Variants in MSH3 observed in about 807,000 individuals in gnomAD.
MSH3 encodes mutS homolog 3.
MSH3 carries 106 observed loss-of-function variants against 123.3 expected under a neutral mutation model. That is an observed-to-expected ratio of 0.86 (90% CI 0.73 to 1.01). The LOEUF is 1.01. Among genes scored for constraint, MSH3 ranks in the 50% least tolerant of loss-of-function variants. The probability of loss-of-function intolerance (pLI) is 0.00; values close to 1 mark genes in which losing one functional copy is unlikely to be tolerated. For missense variants in MSH3, 1,459 were observed against 1,347.6 expected (o/e 1.08, Z -1.29); for synonymous variants, 515 against 481.4 (o/e 1.07, Z -0.91).
Position 80,851,805 on chromosome 5 carries a change from A to G in MSH3, c.2814-2325A>G, listed in dbSNP as rs187935757. On this transcript the variant is annotated intron_variant, in intron 20 of 23. Transcript: ENST00000265081. ...CATCTTTGTTTTTTCTGAAATAACT[A>G]ATTAGCTAGCATCTTTTTCATTGAC... 1.5e-3 allele frequency among the ~76,000 whole-genome samples: 226 copies of G among 152,300 alleles called. 7 individuals are homozygous for G. The highest frequency in any genetic ancestry group is 0.013 in the Admixed American group (198 of 15,284).
At chr5:80,717,193 A>G (rs1043929452) in intron 8 of MSH3, among the ~76,000 whole-genome samples, 6 of 152,176 alleles carry the variant, frequency 3.9e-5, no homozygotes, top group Non-Finnish European at 7.4e-5. Flanking sequence ...TCTTTTTGAC[A>G]TACTGAGTTT....
chr5:80,742,604 G>C (rs1329938740), intron 11 of MSH3, among the ~76,000 whole-genome samples: 2 of 152,124 alleles, frequency 1.3e-5, no homozygotes, highest in Non-Finnish European at 2.9e-5. Context: ...CCTGACTCCT[G>C]AATCTGCATA....
intron 20 of MSH3, among the ~76,000 whole-genome samples, chr5:80,843,946 G>T (rs1367193610): frequency 6.6e-6 from 1 of 151,450 alleles, no homozygotes; most frequent in Non-Finnish European, 1.5e-5. Context: ...GCTTGCTTTT[G>T]AATTTGTTTG....
intron 20 of MSH3, among the ~76,000 whole-genome samples, chr5:80,822,581 G>A (rs1326344301): frequency 2.0e-5 from 3 of 152,202 alleles, no homozygotes; most frequent in African/African-American, 7.2e-5. Context: ...ACTTCACAAG[G>A]TTGATTTGAG....
intron 6 of MSH3, among the ~76,000 whole-genome samples, chr5:80,673,996 A>G (rs1041755739): frequency 1.3e-5 from 2 of 152,306 alleles, no homozygotes; most frequent in South Asian, 2.1e-4. Context: ...TTCTCAGCTC[A>G]TCTAATTCTA....
At chr5:80,874,796 A>G (rs555807421) in intron 23 of MSH3, among the ~76,000 whole-genome samples, 1 of 152,336 alleles carries the variant, frequency 6.6e-6, no homozygotes, top group Admixed American at 6.5e-5. Context: ...CTCTCAGATT[A>G]CTCATAAATA....
chr5:80,693,967 G>C (rs565519124), intron 8 of MSH3, among the ~76,000 whole-genome samples: 1 of 152,156 alleles, frequency 6.6e-6, no homozygotes, highest in East Asian at 1.9e-4. Flanking sequence ...GCCAAAACTC[G>C]AAACTTATAA....
chr5:80,846,863 G>A (rs973760174), intron 20 of MSH3, among the ~76,000 whole-genome samples: 2 of 152,144 alleles, frequency 1.3e-5, no homozygotes, highest in Non-Finnish European at 2.9e-5. Context: ...CCGTCCCCTT[G>A]CACTTCCCAG....
chr5:80,737,775 A>G (rs1358390596), intron 10 of MSH3, among the ~76,000 whole-genome samples: 1 of 152,240 alleles, frequency 6.6e-6, no homozygotes, highest in East Asian at 1.9e-4. Context: ...ATTTATACTT[A>G]TAAATACTTA....
At chr5:80,793,442 A>G (rs1175931869) in intron 19 of MSH3, among the ~76,000 whole-genome samples, 1 of 152,222 alleles carries the variant, frequency 6.6e-6, no homozygotes, top group African/African-American at 2.4e-5. Flanking sequence ...GGCTAGTGCA[A>G]TACAGCTTAG....
chr5:80,838,734 T>C (rs1341399000), intron 20 of MSH3, among the ~76,000 whole-genome samples: 2 of 152,128 alleles, frequency 1.3e-5, no homozygotes, highest in Non-Finnish European at 2.9e-5. Context: ...TACAACCACA[T>C]AGAAAAGTTA....
chr5:80,748,450 T>C (rs1291964786), intron 12 of MSH3, among the ~76,000 whole-genome samples: 1 of 152,210 alleles, frequency 6.6e-6, no homozygotes, highest in Non-Finnish European at 1.5e-5. Flanking sequence ...TGTACTGATA[T>C]CACATTAGCT....
chr5:80,735,817 A>G (rs571514283), intron 10 of MSH3, among the ~76,000 whole-genome samples: 3 of 152,378 alleles, frequency 2.0e-5, no homozygotes, highest in African/African-American at 2.4e-5. Context: ...CAATGGGAAA[A>G]GAACCAAATT....
At chr5:80,846,750 C>T (rs899221095) in intron 20 of MSH3, among the ~76,000 whole-genome samples, 12 of 152,194 alleles carry the variant, frequency 7.9e-5, no homozygotes, top group East Asian at 5.8e-4. Context: ...CCTGGTCTGC[C>T]GGTTGCAAAG....
intron 10 of MSH3, among the ~76,000 whole-genome samples, chr5:80,734,382 G>A (rs995762181): frequency 1.3e-5 from 2 of 152,120 alleles, no homozygotes; most frequent in Non-Finnish European, 2.9e-5. Flanking sequence ...GGTGGTGATG[G>A]TTGGCCAATT....
chr5:80,876,223 G>C lies in MSH3; in HGVS notation c.*361G>C, dbSNP rs1746305048. ...CAGTTCAGATAATTGGCAACTGGGT[G>C]AATCTGGCAGGAATCTATCCATTGA... On this transcript the variant is annotated 3_prime_UTR_variant, in exon 24 of 24. Transcript: ENST00000265081. The C allele has an allele frequency of 3.8e-6, 1 of 265,514 alleles. No individual in the cohort carries two copies. Among genetic ancestry groups the C allele is most frequent in the Non-Finnish European group, 7.2e-6 (1 of 139,046 alleles). The allele number at this position is 265,514 out of a possible 1,614,324, so 16.4% of individuals were successfully genotyped here.
intron 20 of MSH3, among the ~76,000 whole-genome samples, chr5:80,843,774 G>A (rs1014754303): frequency 7.9e-5 from 12 of 151,768 alleles, no homozygotes; most frequent in Admixed American, 3.3e-4. Context: ...TTTTTATTGC[G>A]TCTATCTGAT....
chr5:80,763,864 G>A (rs931014596), intron 13 of MSH3, among the ~76,000 whole-genome samples: 73 of 152,252 alleles, frequency 4.8e-4, no homozygotes, highest in African/African-American at 1.5e-3. Flanking sequence ...AAAAGTGGCC[G>A]GTATGCAGTG....
chr5:80,835,858 T>C (rs1408190715), intron 20 of MSH3, among the ~76,000 whole-genome samples: 4 of 151,754 alleles, frequency 2.6e-5, no homozygotes, highest in African/African-American at 9.7e-5. Flanking sequence ...GAGGTTACAG[T>C]GAGCTGAGAT....
Sources: gnomAD v4.1 joint callset for allele counts (sites outside exome capture counted in the v4.1 genomes callset) on GRCh38, gnomAD v4.1.1 for gene constraint, MANE v1.5 for transcripts, NCBI Gene and HGNC (gene_info 2026-07-23, HGNC 2026-07-21) for gene names.